CPNE4: variants seen among roughly 807,000 people sequenced by gnomAD.
CPNE4 encodes the protein copine-4.
CPNE4 carries 25 observed loss-of-function variants against 67.9 expected under a neutral mutation model. That is an observed-to-expected ratio of 0.37 (90% CI 0.27 to 0.51). The LOEUF (loss-of-function observed/expected upper bound fraction) is 0.51. CPNE4 is among the 20% of genes least tolerant of loss of function. The pLI, the probability that CPNE4 is intolerant of heterozygous loss-of-function variation, is 0.93. For missense variants in CPNE4, 464 were observed against 690.8 expected (o/e 0.67, Z 3.68); for synonymous variants, 242 against 244.9 (o/e 0.99, Z 0.11).
rs66674789 is a variant in CPNE4 at position 131,565,818 on chromosome 3, T to TAAA, written c.928-1472_928-1470dup. On this transcript the variant is annotated intron_variant, in intron 10 of 15. Coordinates refer to ENST00000429747, the MANE Select transcript of CPNE4 (RefSeq NM_130808.3). ...GATAAATGCTAGTACTAAGAGTATG[T>TAAA]AAAAAAAAAAAAAAAAAGGTTATCT... 1.2e-3 allele frequency among the ~76,000 whole-genome samples: 154 copies of TAAA among 129,818 alleles called. 2 individuals are homozygous for TAAA. Among genetic ancestry groups the TAAA allele is most frequent in the African/African-American group, 3.8e-3 (142 of 36,964 alleles). 85.2% of individuals were successfully genotyped at this position (129,818 alleles called of 152,430 possible). A position where few individuals can be genotyped will look rare whatever the true frequency, so the allele number is the denominator to read the frequency against.
At chr3:131,899,624 C>G (rs1050124538) in intron 2 of CPNE4, among the ~76,000 whole-genome samples, 3 of 152,028 alleles carry the variant, frequency 2.0e-5, no homozygotes, top group Non-Finnish European at 2.9e-5. Flanking sequence ...GCTATCTTTT[C>G]TAGTTAGTAA....
rs58116331 is a variant in CPNE4, at chr3:131,993,472, C to CAAAAAAAAAAAAAAAAAAA, written c.-2+41094_-2+41095insTTTTTTTTTTTTTTTTTTT. ...ACCCTGATTTCGTGTGCAGGAGTGG[C>CAAAAAAAAAAAAAAAAAAA]AAAAAAAAAAAAAAAAAGCATAGCT... On this transcript the variant is annotated intron_variant, in intron 1 of 15. Transcript: ENST00000429747. Among the ~76,000 whole-genome samples, 134 of 60,440 alleles carry CAAAAAAAAAAAAAAAAAAA rather than the reference C, an allele frequency of 2.2e-3. 15 individuals carry two copies. The highest frequency in any genetic ancestry group is 6.8e-3 in the African/African-American group (124 of 18,288). 39.7% of individuals were successfully genotyped at this position (60,440 alleles called of 152,430 possible). A position where few individuals can be genotyped will look rare whatever the true frequency, so the allele number is the denominator to read the frequency against.
chr3:131,554,445 T>C (rs1241737617), intron 12 of CPNE4, among the ~76,000 whole-genome samples: 2 of 152,118 alleles, frequency 1.3e-5, no homozygotes, highest in East Asian at 1.9e-4. Context: ...TCTTGTTCTA[T>C]ATTCTTTCTC....
At chr3:131,916,652 GC>G (rs2089194097) in intron 1 of CPNE4, among the ~76,000 whole-genome samples, 1 of 152,298 alleles carries the variant, frequency 6.6e-6, no homozygotes, top group South Asian at 2.1e-4. Flanking sequence ...CTCTAGTTCA[GC>G]ATTGCCCAGT....
At chr3:131,844,802 A>G (rs13077768) in intron 2 of CPNE4, among the ~76,000 whole-genome samples, 35,630 of 152,138 alleles carry the variant, frequency 0.23, 4,778 homozygotes, top group Middle Eastern at 0.34. Flanking sequence ...ACCTATATAC[A>G]TAGCCACATT....
At chr3:131,974,378 T>G (rs998472553) in intron 1 of CPNE4, among the ~76,000 whole-genome samples, 3 of 152,228 alleles carry the variant, frequency 2.0e-5, no homozygotes, top group Non-Finnish European at 2.9e-5. Flanking sequence ...CACATGTATA[T>G]ACATACAATG....
At chr3:131,829,224 G>A (rs975597904) in intron 2 of CPNE4, among the ~76,000 whole-genome samples, 4 of 152,144 alleles carry the variant, frequency 2.6e-5, no homozygotes. Flanking sequence ...GGGAATACTG[G>A]GAGATACAAT....
intron 14 of CPNE4, among the ~76,000 whole-genome samples, chr3:131,547,726 A>C (rs1202411580): frequency 6.6e-6 from 1 of 152,114 alleles, no homozygotes; most frequent in Non-Finnish European, 1.5e-5. Context: ...AGTAACACAC[A>C]CTTAGCTCCC....
intron 1 of CPNE4, among the ~76,000 whole-genome samples, chr3:131,912,240 C>G (rs994451624): frequency 3.3e-5 from 5 of 152,130 alleles, no homozygotes; most frequent in African/African-American, 1.2e-4. Context: ...TTCACATTCT[C>G]TAACAGGAAA....
At chr3:131,746,558 A>G (rs1219110800) in intron 2 of CPNE4, among the ~76,000 whole-genome samples, 1 of 152,172 alleles carries the variant, frequency 6.6e-6, no homozygotes, top group Non-Finnish European at 1.5e-5. Context: ...TTCACATAAC[A>G]TAGTGTTTTC....
intron 1 of CPNE4, among the ~76,000 whole-genome samples, chr3:131,924,344 C>G (rs1433405041): frequency 6.6e-6 from 1 of 152,074 alleles, no homozygotes; most frequent in African/African-American, 2.4e-5. Flanking sequence ...TCAATTCAGC[C>G]GTGAACTTAG....
chr3:131,746,502 A>G (rs1318041660), intron 2 of CPNE4, among the ~76,000 whole-genome samples: 1 of 152,204 alleles, frequency 6.6e-6, no homozygotes, highest in African/African-American at 2.4e-5. Context: ...TAGATTTCAC[A>G]TATGAGTGAG....
intron 7 of CPNE4, among the ~76,000 whole-genome samples, chr3:131,615,889 T>TCACACACACACACA (rs1317031280): frequency 4.0e-5 from 4 of 100,320 alleles, no homozygotes; most frequent in African/African-American, 2.5e-4. Flanking sequence ...CATCTCTCTC[T>TCACACACACACACA]CTCACACACA....
chr3:132,036,376 C>G (rs1420904305), upstream of CPNE4, among the ~76,000 whole-genome samples: 2 of 151,740 alleles, frequency 1.3e-5, no homozygotes, highest in East Asian at 1.9e-4. Context: ...TCTTCTATAG[C>G]ACTCCTGGAG....
intron 2 of CPNE4, among the ~76,000 whole-genome samples, chr3:131,761,617 T>C (rs775804587): frequency 1.3e-5 from 2 of 152,072 alleles, no homozygotes; most frequent in African/African-American, 2.4e-5. Context: ...GATCATTACA[T>C]GGTTTAGGTC....
At chr3:131,924,932 T>C (rs75918078) in intron 1 of CPNE4, among the ~76,000 whole-genome samples, 2 of 152,164 alleles carry the variant, frequency 1.3e-5, no homozygotes, top group East Asian at 3.9e-4. Flanking sequence ...AATGGTACTG[T>C]AACCTTGTTA....
At chr3:131,870,850 G>C (rs994440404) in intron 2 of CPNE4, among the ~76,000 whole-genome samples, 1 of 152,290 alleles carries the variant, frequency 6.6e-6, no homozygotes, top group Admixed American at 6.5e-5. Flanking sequence ...CTGTCTGGTG[G>C]GGGAGTGGAT....
intron 15 of CPNE4, among the ~76,000 whole-genome samples, chr3:131,537,033 G>T (rs60440167): frequency 6.6e-6 from 1 of 152,016 alleles, no homozygotes; most frequent in Non-Finnish European, 1.5e-5. Context: ...CTTTTCCCTT[G>T]TGAAAAGTCT....
intron 1 of CPNE4, among the ~76,000 whole-genome samples, chr3:131,967,689 C>A (rs1257210971): frequency 6.6e-6 from 1 of 151,750 alleles, no homozygotes; most frequent in Non-Finnish European, 1.5e-5. Context: ...GGAACCACTG[C>A]TCAAGGAAAT....
Sources: gnomAD v4.1 joint callset for allele counts (sites outside exome capture counted in the v4.1 genomes callset) on GRCh38, gnomAD v4.1.1 for gene constraint, MANE v1.5 for transcripts, NCBI Gene and HGNC (gene_info 2026-07-23, HGNC 2026-07-21) for gene names.